The following OR8D1 variants were observed in gnomAD, a reference collection of about 807,000 sequenced individuals.
The protein encoded by OR8D1 is olfactory receptor 8D1.
For missense variants in OR8D1, 384 were observed against 366.8 expected (o/e 1.05, Z -0.38); for synonymous variants, 143 against 147.0 (o/e 0.97, Z 0.20).
intron 1 of OR8D1, among the ~76,000 whole-genome samples, chr11:124,313,347 A>G (rs1049768645): frequency 6.6e-6 from 1 of 152,030 alleles, no homozygotes; most frequent in Non-Finnish European, 1.5e-5. Context: ...AAAAAGAGGA[A>G]AGAAAAAGAA....
At position 124,310,560 on chromosome 11, in the gene OR8D1, G is replaced by C. The variant is rs747498646; in HGVS notation, c.207C>G (p.Val69=). The C allele has an allele frequency of 1.2e-6, 2 of 1,613,764 alleles. No homozygotes were observed. The highest frequency in any genetic ancestry group is 4.5e-5 in the East Asian group (2 of 44,776). ...TAATGACAGAGGAATAGCAGAAATCGACGAAGGACAAGCTGCTGAGGAAAT... is the reference window on the plus strand; with the variant it reads ...TAATGACAGAGGAATAGCAGAAATCCACGAAGGACAAGCTGCTGAGGAAAT... The part of the protein sequence containing the change: ...MYYFLSSLSF[V]DFCYSSVITP... The change falls in exon 3 of 3, where the codon GTC becomes GTG. Residue 69 remains valine (V), a synonymous_variant. Coordinates refer to ENST00000641015, the MANE Select transcript of OR8D1 (RefSeq NM_001002917.2).
intron 1 of OR8D1, among the ~76,000 whole-genome samples, chr11:124,312,413 G>C (rs1239090919): frequency 6.6e-6 from 1 of 152,122 alleles, no homozygotes; most frequent in African/African-American, 2.4e-5. Flanking sequence ...ATCTCCAAGG[G>C]ACATGTGCTT....
chr11:124,303,821 C>T lies in OR8D1; in HGVS notation c.*6019G>A, dbSNP rs1052442918. 1.3e-5 allele frequency: 2 copies of T among 151,688 alleles called. No homozygotes were observed. Among genetic ancestry groups the T allele is most frequent in the Non-Finnish European group, 2.9e-5 (2 of 67,882 alleles). The allele number at this position is 151,688 out of a possible 1,614,324, so 9.4% of individuals were successfully genotyped here. On this transcript the variant is annotated 3_prime_UTR_variant, in exon 3 of 3. Coordinates refer to ENST00000641015, the MANE Select transcript of OR8D1 (RefSeq NM_001002917.2). The stretch of plus-strand genomic sequence containing the variant: ...ATAATTCAATGAGTTTTGATAAATA[C>T]ATTCATTCAAATAACTAGCACACCT...
In OR8D1 at chr11:124,303,048, T is replaced by C. The variant is rs1383009809; in HGVS notation, c.*6792A>G. 1.3e-5 allele frequency: 2 copies of C among 152,082 alleles called. No individual in the cohort carries two copies. The highest frequency in any genetic ancestry group is 6.6e-5 in the Admixed American group (1 of 15,226). 9.4% of individuals were successfully genotyped at this position (152,082 alleles called of 1,614,324 possible). A position where few individuals can be genotyped will look rare whatever the true frequency, so the allele number is the denominator to read the frequency against. ...GAAATGAGTCTGTATTAATCCGTTTTCACATTGCTATAAGGAACTGCTGGA... is the reference window on the plus strand; with the variant it reads ...GAAATGAGTCTGTATTAATCCGTTTCCACATTGCTATAAGGAACTGCTGGA... On this transcript the variant is annotated 3_prime_UTR_variant, in exon 3 of 3. Coordinates refer to ENST00000641015, the MANE Select transcript of OR8D1 (RefSeq NM_001002917.2).
rs1862400511 is a variant in OR8D1, at chr11:124,309,740, T to C, written c.*100A>G. ...GGAAAGTATTTTTAAAATCTAGATA[T>C]TATGTATGTTACAACAGAAGAACAT... is the stretch of plus-strand genomic sequence containing the variant. On this transcript the variant is annotated 3_prime_UTR_variant, in exon 3 of 3. Coordinates refer to ENST00000641015, the MANE Select transcript of OR8D1 (RefSeq NM_001002917.2). 1.7e-6 allele frequency: 1 copy of C among 581,646 alleles called. No individual in the cohort carries two copies. The highest frequency in any genetic ancestry group is 2.8e-6 in the Non-Finnish European group (1 of 363,476). 36.0% of individuals were successfully genotyped at this position (581,646 alleles called of 1,614,324 possible). A position where few individuals can be genotyped will look rare whatever the true frequency, so the allele number is the denominator to read the frequency against.
At position 124,307,218 on chromosome 11, in the gene OR8D1, C is replaced by CT. The variant is rs916068674; in HGVS notation, c.*2621dup. 7 of 134,826 alleles carry CT rather than the reference C, an allele frequency of 5.2e-5. No homozygotes were observed. The highest frequency in any genetic ancestry group is 1.5e-4 in the African/African-American group (6 of 40,608). 8.4% of individuals were successfully genotyped at this position (134,826 alleles called of 1,614,324 possible). On this transcript the variant is annotated 3_prime_UTR_variant, in exon 3 of 3. Coordinates refer to ENST00000641015, the MANE Select transcript of OR8D1 (RefSeq NM_001002917.2). ...CAAAAGTGTACTTACAAGTTTGGGACTTTCCATGAGGAGAGAGGATTTTGA... is the reference window on the plus strand; with the variant it reads ...CAAAAGTGTACTTACAAGTTTGGGACTTTTCCATGAGGAGAGAGGATTTTGA...
Position 124,310,345 on chromosome 11 carries a change from C to G in OR8D1, c.422G>C (p.Cys141Ser), listed in dbSNP as rs774802582. 1.9e-6 allele frequency: 3 copies of G among 1,613,674 alleles called. No homozygotes were observed. Among genetic ancestry groups the G allele is most frequent in the Non-Finnish European group, 2.5e-6 (3 of 1,179,884 alleles). Reference sequence around the variant, plus strand: ...GAAGGCAGCCAGCACTAGCAGTGAGCAGACCCATGAGGACATGATCGCATT... The same window carrying G: ...GAAGGCAGCCAGCACTAGCAGTGAGGAGACCCATGAGGACATGATCGCATT... ...LYNAIMSSWV[C>S]SLLVLAAFFL... The change falls in exon 3 of 3, where the codon TGC becomes TCC. Residue 141 changes from cysteine to serine, a missense_variant. Physicochemically the swap from Cys to Ser is moderately radical, Grantham distance 112. Coordinates refer to ENST00000641015, the MANE Select transcript of OR8D1 (RefSeq NM_001002917.2).
rs1183047205 is a variant in OR8D1, at chr11:124,309,668, T to A, written c.*172A>T. 2.5e-6 allele frequency: 1 copy of A among 399,606 alleles called. No individual in the cohort carries two copies. Among genetic ancestry groups the A allele is most frequent in the Non-Finnish European group, 4.4e-6 (1 of 227,448 alleles). The allele number at this position is 399,606 out of a possible 1,614,324, so 24.8% of individuals were successfully genotyped here. On this transcript the variant is annotated 3_prime_UTR_variant, in exon 3 of 3. Transcript: ENST00000641015. ...AAGATAAGAATGTTAATACCTGCTT[T>A]ACACAATTCTTTTATTTTGTTGAGA...
rs576697873 is a variant in OR8D1, at chr11:124,310,352, A to G, written c.415T>C (p.Trp139Arg). 7.4e-6 allele frequency: 12 copies of G among 1,613,530 alleles called. No homozygotes were observed. Among genetic ancestry groups the G allele is most frequent in the Non-Finnish European group, 1.0e-5 (12 of 1,179,874 alleles). ...PLLYNAIMSS[W>R]VCSLLVLAAF... ...GCCAGCACTAGCAGTGAGCAGACCC[A>G]TGAGGACATGATCGCATTATAAAGC... The change falls in exon 3 of 3, where the codon TGG becomes CGG. Residue 139 changes from tryptophan to arginine, a missense_variant. Coordinates refer to ENST00000641015, the MANE Select transcript of OR8D1 (RefSeq NM_001002917.2).
chr11:124,304,869 CT>C lies in OR8D1; in HGVS notation c.*4970del, dbSNP rs1452877280. 2.0e-5 allele frequency: 3 copies of C among 151,760 alleles called. No individual in the cohort carries two copies. Among genetic ancestry groups the C allele is most frequent in the East Asian group, 1.9e-4 (1 of 5,144 alleles). 9.4% of individuals were successfully genotyped at this position (151,760 alleles called of 1,614,324 possible). On this transcript the variant is annotated 3_prime_UTR_variant, in exon 3 of 3. Coordinates refer to ENST00000641015, the MANE Select transcript of OR8D1 (RefSeq NM_001002917.2). ...ATTATTTTTCCAGCCTGTGTGTGCA[CT>C]TTTTTTATTCTAAAATAGTGTCTTT...
Position 124,309,597 on chromosome 11 carries a change from T to C in OR8D1, c.*243A>G, listed in dbSNP as rs1862399423. 1 of 240,266 alleles carries C rather than the reference T, an allele frequency of 4.2e-6. No individual in the cohort carries two copies. Among genetic ancestry groups the C allele is most frequent in the Non-Finnish European group, 8.0e-6 (1 of 125,770 alleles). 14.9% of individuals were successfully genotyped at this position (240,266 alleles called of 1,614,324 possible). On this transcript the variant is annotated 3_prime_UTR_variant, in exon 3 of 3. Coordinates refer to ENST00000641015, the MANE Select transcript of OR8D1 (RefSeq NM_001002917.2). ...AATTCTCATGTCTTTTCTATCACAATTGGTAAAAGAAATTAAAACTACCTA... is the reference window on the plus strand; with the variant it reads ...AATTCTCATGTCTTTTCTATCACAACTGGTAAAAGAAATTAAAACTACCTA...
chr11:124,304,459 A>AT lies in OR8D1; in HGVS notation c.*5380dup, dbSNP rs542812773. On this transcript the variant is annotated 3_prime_UTR_variant, in exon 3 of 3. Coordinates refer to ENST00000641015, the MANE Select transcript of OR8D1 (RefSeq NM_001002917.2). ...TTTATCAGATGACGGACATTTCTTGATTTTTTTGCTATTATGAATAAAGAT... is the reference window on the plus strand; with the variant it reads ...TTTATCAGATGACGGACATTTCTTGATTTTTTTTGCTATTATGAATAAAGAT... 1 of 151,686 alleles carries AT rather than the reference A, an allele frequency of 6.6e-6. No homozygotes were observed. Among genetic ancestry groups the AT allele is most frequent in the Admixed American group, 6.6e-5 (1 of 15,180 alleles). 9.4% of individuals were successfully genotyped at this position (151,686 alleles called of 1,614,324 possible).
In OR8D1 at chr11:124,309,293, C is replaced by T. The variant is rs1396554390; in HGVS notation, c.*547G>A. 1.3e-5 allele frequency: 2 copies of T among 151,798 alleles called. No homozygotes were observed. The highest frequency in any genetic ancestry group is 4.8e-5 in the African/African-American group (2 of 41,352). 9.4% of individuals were successfully genotyped at this position (151,798 alleles called of 1,614,324 possible). A position where few individuals can be genotyped will look rare whatever the true frequency, so the allele number is the denominator to read the frequency against. On this transcript the variant is annotated 3_prime_UTR_variant, in exon 3 of 3. Transcript: ENST00000641015. ...TGAGTAGAAAAAAAAATAGTAAAAGCGATTCGAATAAGACCTGCTGACTAG... is the reference window on the plus strand; with the variant it reads ...TGAGTAGAAAAAAAAATAGTAAAAGTGATTCGAATAAGACCTGCTGACTAG...
At position 124,302,991 on chromosome 11, in the gene OR8D1, G is replaced by A. The variant is rs1862337231; in HGVS notation, c.*6849C>T. On this transcript the variant is annotated 3_prime_UTR_variant, in exon 3 of 3. Coordinates refer to ENST00000641015, the MANE Select transcript of OR8D1 (RefSeq NM_001002917.2). ...TTACTCATGAACTCCTTACTAGGAAGGAATAAGGAGACCAAAACTACAGAC... is the reference window on the plus strand; with the variant it reads ...TTACTCATGAACTCCTTACTAGGAAAGAATAAGGAGACCAAAACTACAGAC... 2 of 152,148 alleles carry A rather than the reference G, an allele frequency of 1.3e-5. No homozygotes were observed. The highest frequency in any genetic ancestry group is 4.8e-5 in the African/African-American group (2 of 41,540). 9.4% of individuals were successfully genotyped at this position (152,148 alleles called of 1,614,324 possible). A position where few individuals can be genotyped will look rare whatever the true frequency, so the allele number is the denominator to read the frequency against.
intron 1 of OR8D1, 149 bp from the exon 2 acceptor site, chr11:124,311,825 A>G (rs1450860456): frequency 6.6e-6 from 1 of 152,138 alleles, no homozygotes; most frequent in East Asian, 1.9e-4. Context: ...TTATTCATTT[A>G]AGGCTCCAAA....
Position 124,306,776 on chromosome 11 carries a change from A to C in OR8D1, c.*3064T>G, listed in dbSNP as rs1285509601. ...TCTAAATCCTAGGGTATATGTAGGA[A>C]GAATGAGACACCTCTCCTGGCTTCT... On this transcript the variant is annotated 3_prime_UTR_variant, in exon 3 of 3. Transcript: ENST00000641015. The C allele has an allele frequency of 6.6e-6, 1 of 152,048 alleles. No individual in the cohort carries two copies. Among genetic ancestry groups the C allele is most frequent in the African/African-American group, 2.4e-5 (1 of 41,430 alleles). 9.4% of individuals were successfully genotyped at this position (152,048 alleles called of 1,614,324 possible).
At position 124,310,132 on chromosome 11, in the gene OR8D1, A is replaced by T. The variant is rs759099795; in HGVS notation, c.635T>A (p.Leu212Gln). 3 of 1,613,648 alleles carry T rather than the reference A, an allele frequency of 1.9e-6. No individual in the cohort carries two copies. The highest frequency in any genetic ancestry group is 1.7e-6 in the Non-Finnish European group (2 of 1,179,886). Residue 212 changes from leucine (L) to glutamine (Q), a missense_variant, in exon 3 of 3, where the codon CTA (leucine) becomes CAA (glutamine). Leu to Gln is a moderately radical substitution (Grantham distance 113). Coordinates refer to ENST00000641015, the MANE Select transcript of OR8D1 (RefSeq NM_001002917.2). The part of the protein sequence containing the change: ...IAGFNTLVPT[L>Q]AVAVSYAFIL... ...GAAGGCATAGGAGACAGCAACAGCTAGGGTGGGCACCAAGGTGTTAAACCC... is the reference window on the plus strand; with the variant it reads ...GAAGGCATAGGAGACAGCAACAGCTTGGGTGGGCACCAAGGTGTTAAACCC...
chr11:124,310,540 A>T lies in OR8D1; in HGVS notation c.227T>A (p.Val76Asp). ...GTTCACCAGCATTTTGGGAGTAATG[A>T]CAGAGGAATAGCAGAAATCGACGAA... ...LSFVDFCYSSVITPKMLVNFL... is the reference protein window; with the variant it reads ...LSFVDFCYSSDITPKMLVNFL... The change falls in exon 3 of 3, where the codon GTC becomes GAC. Residue 76 changes from valine to aspartate, a missense_variant. Coordinates refer to ENST00000641015, the MANE Select transcript of OR8D1 (RefSeq NM_001002917.2). The T allele has an allele frequency of 6.2e-7, 1 of 1,613,818 alleles. No individual in the cohort carries two copies. The highest frequency in any genetic ancestry group is 8.5e-7 in the Non-Finnish European group (1 of 1,179,862).
intron 1 of OR8D1, among the ~76,000 whole-genome samples, chr11:124,312,830 T>G (rs1044973373): frequency 1.8e-4 from 27 of 151,908 alleles, no homozygotes; most frequent in African/African-American, 6.3e-4. Flanking sequence ...GAATTTATGT[T>G]TAATACTCTG....
Sources: gnomAD v4.1 joint callset for allele counts (sites outside exome capture counted in the v4.1 genomes callset) on GRCh38, gnomAD v4.1.1 for gene constraint, MANE v1.5 for transcripts, NCBI Gene and HGNC (gene_info 2026-07-23, HGNC 2026-07-21) for gene names.